UBE2D2: variants seen among roughly 807,000 people sequenced by gnomAD.
The protein encoded by UBE2D2 is ubiquitin-conjugating enzyme E2 D2.
A neutral mutation model predicts 24.2 loss-of-function variants in UBE2D2; 2 were observed. The observed-to-expected ratio is 0.08, with a 90% CI of 0.03 to 0.26. The LOEUF (loss-of-function observed/expected upper bound fraction) is 0.26. Ranked by LOEUF, UBE2D2 falls within the 10% of genes least tolerant of loss-of-function variation. The pLI, the probability that UBE2D2 is intolerant of heterozygous loss-of-function variation, is 1.00. For missense variants in UBE2D2, 44 were observed against 177.6 expected (o/e 0.25, Z 4.28); for synonymous variants, 58 against 56.5 (o/e 1.03, Z -0.12).
Position 139,626,759 on chromosome 5 carries a change from C to T in UBE2D2, c.402C>T (p.Tyr134=). The T allele has an allele frequency of 6.2e-7, 1 of 1,613,714 alleles. No individual in the cohort carries two copies. Among genetic ancestry groups the T allele is most frequent in the Non-Finnish European group, 8.5e-7 (1 of 1,179,796 alleles). The change falls in exon 7 of 7, where the codon TAC becomes TAT. Residue 134 remains tyrosine (Y), a synonymous_variant. Transcript: ENST00000398733. ...AAGCTTCTCTTTGTGTGTACAGGTA[C>T]AACAGAATAGCTCGGGAATGGACTC... ...ARIYKTDREK[Y]NRIAREWTQK...
intron 1 of UBE2D2, among the ~76,000 whole-genome samples, chr5:139,594,633 T>TG (rs1753920573): frequency 6.6e-6 from 1 of 152,064 alleles, no homozygotes; most frequent in Non-Finnish European, 1.5e-5. Context: ...AGGCTGGTCT[T>TG]GAACTGCTGA....
chr5:139,616,795 G>C (rs1177819966), intron 5 of UBE2D2, among the ~76,000 whole-genome samples: 1 of 152,132 alleles, frequency 6.6e-6, no homozygotes, highest in Non-Finnish European at 1.5e-5. Context: ...TTGTATACAA[G>C]TACATTTGTG....
At chr5:139,587,672 CAAAAA>C (rs766266617) in intron 1 of UBE2D2, among the ~76,000 whole-genome samples, 1 of 35,548 alleles carries the variant, frequency 2.8e-5, no homozygotes, top group East Asian at 8.9e-4. Context: ...GACCCCATCT[CAAAAA>C]AAAAAAAAAA....
At chr5:139,621,812 A>G (rs961542370) in intron 5 of UBE2D2, among the ~76,000 whole-genome samples, 2 of 152,088 alleles carry the variant, frequency 1.3e-5, no homozygotes, top group African/African-American at 4.8e-5. Context: ...TTGTAGAGAC[A>G]GAATCTCACT....
At chr5:139,591,685 C>T (rs1432159843) in intron 1 of UBE2D2, among the ~76,000 whole-genome samples, 1 of 152,076 alleles carries the variant, frequency 6.6e-6, no homozygotes, top group Non-Finnish European at 1.5e-5. Context: ...CTTTCAAACT[C>T]ATGTAAGTTA....
At chr5:139,548,905 G>A (rs1752870294) in intron 1 of UBE2D2, among the ~76,000 whole-genome samples, 3 of 151,424 alleles carry the variant, frequency 2.0e-5, no homozygotes, top group Admixed American at 2.0e-4. Context: ...CTGGAGTGCA[G>A]TGGTGCGATC....
chr5:139,534,006 C>T (rs1350803839), intron 1 of UBE2D2, among the ~76,000 whole-genome samples: 1 of 151,724 alleles, frequency 6.6e-6, no homozygotes, highest in Non-Finnish European at 1.5e-5. Context: ...TGGTCTTGAA[C>T]TCTTGACCTT....
At chr5:139,591,240 C>T (rs1327888655) in intron 1 of UBE2D2, among the ~76,000 whole-genome samples, 2 of 151,818 alleles carry the variant, frequency 1.3e-5, no homozygotes, top group African/African-American at 4.8e-5. Flanking sequence ...CCTGCCTCAG[C>T]CTCCCAAGTA....
intron 1 of UBE2D2, among the ~76,000 whole-genome samples, chr5:139,590,779 C>CTTTTTTTTTTTTTTTTTTTTTTTTT (rs1561513230): frequency 1.8e-5 from 1 of 55,994 alleles, no homozygotes; most frequent in Non-Finnish European, 3.7e-5. Flanking sequence ...ATTTTCTCTT[C>CTTTTTTTTTTTTTTTTTTTTTTTTT]TTCTTTTTTT....
intron 1 of UBE2D2, among the ~76,000 whole-genome samples, chr5:139,532,067 T>G (rs1752604183): frequency 4.6e-5 from 7 of 151,978 alleles, no homozygotes; most frequent in Admixed American, 3.9e-4. Flanking sequence ...TGGTGGGGGA[T>G]GTAAATGAGT....
In UBE2D2 at chr5:139,552,460, G is replaced by T. The variant is rs367577324; in HGVS notation, c.-64+25848G>T. ...TGGGATTACATGCATGAACCACCGTGCCCAGCCTCTAATAGCTAACTTCTT... is the reference window on the plus strand; with the variant it reads ...TGGGATTACATGCATGAACCACCGTTCCCAGCCTCTAATAGCTAACTTCTT... On this transcript the variant is annotated intron_variant, in intron 1 of 6. Coordinates refer to the UBE2D2 transcript ENST00000511725. Among the ~76,000 whole-genome samples the T allele has an allele frequency of 2.4e-4, 36 of 150,936 alleles. No homozygotes were observed. The Middle Eastern group carries it at 0.011, about 45-fold the overall frequency.
intron 2 of UBE2D2, among the ~76,000 whole-genome samples, chr5:139,607,898 A>T (rs1754230654): frequency 6.6e-6 from 1 of 152,020 alleles, no homozygotes; most frequent in Non-Finnish European, 1.5e-5. Context: ...CTGTAGTCCC[A>T]GCTACTCAGT....
chr5:139,526,539 C>T (rs960413945), exon 1 of UBE2D2: 12 of 152,344 alleles, frequency 7.9e-5, no homozygotes, highest in African/African-American at 2.9e-4. Context: ...GTAGCAGGCC[C>T]CCGCGGAGGA....
intron 1 of UBE2D2, among the ~76,000 whole-genome samples, chr5:139,549,333 G>T (rs1009957581): frequency 6.6e-6 from 1 of 152,188 alleles, no homozygotes. Context: ...TGCTTGCGGG[G>T]AGGTGTGGAG....
At chr5:139,531,963 G>A (rs1454846097) in intron 1 of UBE2D2, among the ~76,000 whole-genome samples, 1 of 151,992 alleles carries the variant, frequency 6.6e-6, no homozygotes, top group South Asian at 2.1e-4. Flanking sequence ...CTCCACCCTG[G>A]GCAACAGAGA....
chr5:139,593,526 G>T (rs889823468), intron 1 of UBE2D2, among the ~76,000 whole-genome samples: 2 of 151,544 alleles, frequency 1.3e-5, no homozygotes, highest in Non-Finnish European at 2.9e-5. Flanking sequence ...TGTATACATT[G>T]TTATATATAC....
chr5:139,584,504 A>AAACACCTT (rs1753676001), intron 1 of UBE2D2, among the ~76,000 whole-genome samples: 1 of 150,790 alleles, frequency 6.6e-6, no homozygotes, highest in Admixed American at 6.6e-5. Flanking sequence ...ATTTACCCCA[A>AAACACCTT]AACACCTTTT....
chr5:139,623,819 G>A (rs1754563845), intron 6 of UBE2D2, among the ~76,000 whole-genome samples: 2 of 152,144 alleles, frequency 1.3e-5, no homozygotes, highest in East Asian at 3.9e-4. Flanking sequence ...AGCCTCCCGA[G>A]TAGATGGGAT....
intron 2 of UBE2D2, among the ~76,000 whole-genome samples, chr5:139,612,888 T>G (rs1383839723): frequency 4.6e-5 from 7 of 152,140 alleles, no homozygotes; most frequent in Non-Finnish European, 1.0e-4. Flanking sequence ...CATCCTCCCA[T>G]CTCAGCCTCC....
Sources: gnomAD v4.1 joint callset for allele counts (sites outside exome capture counted in the v4.1 genomes callset) on GRCh38, gnomAD v4.1.1 for gene constraint, MANE v1.5 for transcripts, NCBI Gene and HGNC (gene_info 2026-07-23, HGNC 2026-07-21) for gene names.